Variants in CAMK4 observed in about 807,000 individuals in gnomAD.
CAMK4 encodes calcium/calmodulin dependent protein kinase IV.
In CAMK4, 22 loss-of-function variants were observed where a neutral mutation model predicts 44.9. That is an observed-to-expected ratio of 0.49 (90% CI 0.35 to 0.70). The LOEUF is 0.70. Among genes scored for constraint, CAMK4 ranks in the 30% least tolerant of loss-of-function variants. CAMK4 has a pLI of 0.01. For missense variants in CAMK4, 498 were observed against 586.8 expected (o/e 0.85, Z 1.56); for synonymous variants, 218 against 215.4 (o/e 1.01, Z -0.11).
At chr5:111,403,390 C>A (rs556433628) in intron 5 of CAMK4, among the ~76,000 whole-genome samples, 40 of 152,100 alleles carry the variant, frequency 2.6e-4, no homozygotes, top group African/African-American at 9.2e-4. Flanking sequence ...CCTATCAGTT[C>A]CTATGGTATT....
chr5:111,338,761 G>A (rs946988651), intron 1 of CAMK4, among the ~76,000 whole-genome samples: 29 of 151,410 alleles, frequency 1.9e-4, no homozygotes, highest in Admixed American at 1.9e-3. Flanking sequence ...TTGAAGATCC[G>A]ATGGCTGTAG....
intron 2 of CAMK4, among the ~76,000 whole-genome samples, chr5:111,369,040 A>C (rs1448793461): frequency 6.7e-6 from 1 of 149,760 alleles, no homozygotes; most frequent in African/African-American, 2.4e-5. Flanking sequence ...TTCTACTCAC[A>C]AAATAATAAT....
intron 1 of CAMK4, among the ~76,000 whole-genome samples, chr5:111,296,874 G>A (rs997242725): frequency 6.6e-6 from 1 of 152,162 alleles, no homozygotes; most frequent in African/African-American, 2.4e-5. Context: ...GGGTCATTCT[G>A]TTCTAAATCA....
In CAMK4 at chr5:111,493,643, C is replaced by A. The variant is rs1307839970; in HGVS notation, c.*9177C>A. 2.0e-5 allele frequency: 3 copies of A among 152,320 alleles called. No homozygotes were observed. In the East Asian group the frequency reaches 5.8e-4, roughly 29 times the overall value. 9.4% of individuals were successfully genotyped at this position (152,320 alleles called of 1,614,324 possible). Reference sequence around the variant, plus strand: ...CATCAGAACTTGTTTCTCCAAACATCAACCTGCTCCTGTCAAGTCCTTTTT... The same window carrying A: ...CATCAGAACTTGTTTCTCCAAACATAAACCTGCTCCTGTCAAGTCCTTTTT... On this transcript the variant is annotated 3_prime_UTR_variant, in exon 11 of 11. Transcript: ENST00000282356. The surrounding 1 kb of genome is among the most constrained non-coding windows in gnomAD (Gnocchi z 4.1).
At chr5:111,412,917 T>TAA (rs1752680466) in intron 5 of CAMK4, among the ~76,000 whole-genome samples, 1 of 152,150 alleles carries the variant, frequency 6.6e-6, no homozygotes, top group South Asian at 2.1e-4. Flanking sequence ...TAAAAGTGGG[T>TAA]AAAAGTATGA....
intron 7 of CAMK4, among the ~76,000 whole-genome samples, chr5:111,468,995 T>A (rs1163104247): frequency 7.4e-5 from 11 of 149,340 alleles, no homozygotes; most frequent in African/African-American, 2.7e-4. Context: ...ACAACAAAAA[T>A]TAGCTGGGCA....
In CAMK4 at chr5:111,492,299, T is replaced by A. The variant is rs1408018257; in HGVS notation, c.*7833T>A. On this transcript the variant is annotated 3_prime_UTR_variant, in exon 11 of 11. Coordinates refer to ENST00000282356, the MANE Select transcript of CAMK4 (RefSeq NM_001744.6). The stretch of plus-strand genomic sequence containing the variant: ...GAGTACCTAAAATTATAACTCTAAA[T>A]AATATACAGCAATATTATTGCTCTA... 1 of 152,180 alleles carries A rather than the reference T, an allele frequency of 6.6e-6. No homozygotes were observed. The highest frequency in any genetic ancestry group is 1.9e-4 in the East Asian group (1 of 5,202). 9.4% of individuals were successfully genotyped at this position (152,180 alleles called of 1,614,324 possible). A position where few individuals can be genotyped will look rare whatever the true frequency, so the allele number is the denominator to read the frequency against.
At chr5:111,436,510 C>A (rs536565257) in intron 5 of CAMK4, among the ~76,000 whole-genome samples, 1 of 152,282 alleles carries the variant, frequency 6.6e-6, no homozygotes, top group East Asian at 1.9e-4. Context: ...TATTTTCCAG[C>A]AAAATGATGC....
intron 1 of CAMK4, among the ~76,000 whole-genome samples, chr5:111,228,046 C>A (rs1329339941): frequency 2.0e-5 from 3 of 152,146 alleles, no homozygotes; most frequent in Non-Finnish European, 4.4e-5. Flanking sequence ...CAGGAAATGG[C>A]CCAGCCTGCT....
At chr5:111,443,064 T>C (rs989133878) in intron 5 of CAMK4, among the ~76,000 whole-genome samples, 1 of 149,326 alleles carries the variant, frequency 6.7e-6, no homozygotes, top group African/African-American at 2.4e-5. Flanking sequence ...CTAATGTTTG[T>C]ATCTTTTTGG....
At chr5:111,380,275 A>T (rs1751363995) in intron 4 of CAMK4, among the ~76,000 whole-genome samples, 1 of 151,726 alleles carries the variant, frequency 6.6e-6, no homozygotes, top group South Asian at 2.1e-4. Flanking sequence ...ATAGTTTTGA[A>T]TTTTGTAAAC....
intron 4 of CAMK4, among the ~76,000 whole-genome samples, chr5:111,382,294 T>C (rs1230991472): frequency 6.6e-6 from 1 of 152,192 alleles, no homozygotes; most frequent in African/African-American, 2.4e-5. Context: ...GATCTCTCAT[T>C]CTTGGTGGAA....
At chr5:111,420,932 C>T (rs1284100952) in intron 5 of CAMK4, among the ~76,000 whole-genome samples, 1 of 152,018 alleles carries the variant, frequency 6.6e-6, no homozygotes, top group Non-Finnish European at 1.5e-5. Flanking sequence ...ATTACAGGGT[C>T]CTGAGGCAAC....
At chr5:111,401,835 A>G (rs1002542266) in intron 5 of CAMK4, among the ~76,000 whole-genome samples, 1 of 152,170 alleles carries the variant, frequency 6.6e-6, no homozygotes, top group Non-Finnish European at 1.5e-5. Flanking sequence ...TAGAGGATTG[A>G]AGGAGGTTCT....
chr5:111,488,754 A>G lies in CAMK4; in HGVS notation c.*4288A>G, dbSNP rs1755717832. 1 of 152,242 alleles carries G rather than the reference A, an allele frequency of 6.6e-6. No individual in the cohort carries two copies. The highest frequency in any genetic ancestry group is 1.5e-5 in the Non-Finnish European group (1 of 68,030). 9.4% of individuals were successfully genotyped at this position (152,242 alleles called of 1,614,324 possible). A position where few individuals can be genotyped will look rare whatever the true frequency, so the allele number is the denominator to read the frequency against. ...AGCAAATTTTTTTAAAAAAAGGTCA[A>G]CAAAGTGAATCAGCACTAGCATTTT... On this transcript the variant is annotated 3_prime_UTR_variant, in exon 11 of 11. Coordinates refer to ENST00000282356, the MANE Select transcript of CAMK4 (RefSeq NM_001744.6).
intron 5 of CAMK4, among the ~76,000 whole-genome samples, chr5:111,432,535 G>A (rs1753486408): frequency 6.6e-6 from 1 of 151,314 alleles, no homozygotes; most frequent in Admixed American, 6.6e-5. Flanking sequence ...TGCTTGAGGG[G>A]ATAGATACCC....
At chr5:111,268,981 T>C (rs527376527) in intron 1 of CAMK4, among the ~76,000 whole-genome samples, 1 of 152,112 alleles carries the variant, frequency 6.6e-6, no homozygotes, top group Non-Finnish European at 1.5e-5. Flanking sequence ...AAAAAATAAA[T>C]ATGAAAGCAG....
chr5:111,406,309 G>A (rs1347187904), intron 5 of CAMK4, among the ~76,000 whole-genome samples: 5 of 151,248 alleles, frequency 3.3e-5, no homozygotes, highest in East Asian at 3.9e-4. Context: ...TGCAACTTCC[G>A]CCTCCCTGGG....
At chr5:111,446,146 G>A (rs2112971657) in intron 5 of CAMK4, among the ~76,000 whole-genome samples, 2 of 152,326 alleles carry the variant, frequency 1.3e-5, no homozygotes, top group East Asian at 3.9e-4. Context: ...CTAATTCTCA[G>A]AAGAGCCTAT....
Sources: allele counts gnomAD v4.1 joint callset (sites outside exome capture counted in the v4.1 genomes callset), GRCh38; gene constraint gnomAD v4.1.1; non-coding constraint Gnocchi (gnomAD v3.1); transcripts MANE v1.5; gene names NCBI Gene and HGNC (gene_info 2026-07-23, HGNC 2026-07-21).